SLC39A9: variants seen among roughly 807,000 people sequenced by gnomAD.
SLC39A9 encodes the protein zinc transporter ZIP9.
In SLC39A9, 14 loss-of-function variants were observed where a neutral mutation model predicts 28.4. That is an observed-to-expected ratio of 0.49 (90% CI 0.33 to 0.77). SLC39A9 has a LOEUF of 0.77. Ranked by LOEUF, SLC39A9 falls within the 30% of genes least tolerant of loss-of-function variation. The pLI is 0.02. For synonymous variants in SLC39A9, 119 were observed against 149.6 expected (o/e 0.80, Z 1.49); for missense variants, 283 against 381.1 (o/e 0.74, Z 2.14).
intron 3 of SLC39A9, among the ~76,000 whole-genome samples, chr14:69,448,010 C>T (rs191996728): frequency 1.6e-3 from 248 of 151,186 alleles, no homozygotes; most frequent in Non-Finnish European, 3.1e-3. Flanking sequence ...GCCAGGAGAT[C>T]GAGACCATCC....
intron 1 of SLC39A9, 114 bp downstream of exon 1, chr14:69,399,579 A>T (rs1488855958): frequency 1.4e-6 from 1 of 727,972 alleles, no homozygotes; most frequent in Non-Finnish European, 2.3e-6. Context: ...TCTCATTAAG[A>T]AAGACTATCT....
chr14:69,437,761 G>T (rs1884848125), intron 2 of SLC39A9, among the ~76,000 whole-genome samples: 1 of 151,658 alleles, frequency 6.6e-6, no homozygotes. Flanking sequence ...GCTAATTTTT[G>T]TATTTTTAAT....
At chr14:69,442,364 A>T in intron 3 of SLC39A9, 98 bp downstream of exon 3, 15 of 1,177,722 alleles carry the variant, frequency 1.3e-5, no homozygotes, top group Non-Finnish European at 1.8e-5. Context: ...GGCCATATTT[A>T]GTGCTAAAAC....
At position 69,461,992 on chromosome 14, in the gene SLC39A9, A is replaced by G. The variant is rs1369928392; in HGVS notation, c.*3399A>G. 1 of 357,106 alleles carries G rather than the reference A, an allele frequency of 2.8e-6. No homozygotes were observed. Among genetic ancestry groups the G allele is most frequent in the East Asian group, 4.2e-5 (1 of 24,044 alleles). The allele number at this position is 357,106 out of a possible 1,614,324, so 22.1% of individuals were successfully genotyped here. A position where few individuals can be genotyped will look rare whatever the true frequency, so the allele number is the denominator to read the frequency against. Reference sequence around the variant, plus strand: ...CATCACCCAAAGTGCACTGTTGGAGATGCTGTGAAATTAAAACCTCTTTGT... The same window carrying G: ...CATCACCCAAAGTGCACTGTTGGAGGTGCTGTGAAATTAAAACCTCTTTGT... On this transcript the variant is annotated 3_prime_UTR_variant, in exon 7 of 7. Coordinates refer to ENST00000336643, the MANE Select transcript of SLC39A9 (RefSeq NM_018375.5).
At chr14:69,405,113 C>G (rs1254237007) in intron 1 of SLC39A9, among the ~76,000 whole-genome samples, 1 of 152,154 alleles carries the variant, frequency 6.6e-6, no homozygotes, top group South Asian at 2.1e-4. Flanking sequence ...CAAGAACTCA[C>G]TATCACAAGA....
rs1884907720 is a variant in SLC39A9 at position 69,438,881 on chromosome 14, C to CT, written c.206-3183dup. Among the ~76,000 whole-genome samples, 2 of 152,154 alleles carry CT rather than the reference C, an allele frequency of 1.3e-5. 1 individual carries two copies. Among genetic ancestry groups the CT allele is most frequent in the Admixed American group, 1.3e-4 (2 of 15,270 alleles). On this transcript the variant is annotated intron_variant, in intron 2 of 6. Transcript: ENST00000336643. ...TTTATAGAGGTATGATTAACTGTGG[C>CT]TTTTTCTGTCACTTTACTCTACATT...
intron 2 of SLC39A9, among the ~76,000 whole-genome samples, chr14:69,433,700 C>T (rs947909476): frequency 2.6e-5 from 4 of 152,272 alleles, no homozygotes; most frequent in East Asian, 1.9e-4. Context: ...TTTATTTCCT[C>T]GTACTTTTTA....
Position 69,459,182 on chromosome 14 carries a change from C to G in SLC39A9, c.*589C>G, listed in dbSNP as rs1156371755. On this transcript the variant is annotated 3_prime_UTR_variant, in exon 7 of 7. Coordinates refer to ENST00000336643, the MANE Select transcript of SLC39A9 (RefSeq NM_018375.5). Reference sequence around the variant, plus strand: ...ACACATTGAAAGCTCTCTTTATACTCAAAAGAGATATCCATTGAAAAGGGA... The same window carrying G: ...ACACATTGAAAGCTCTCTTTATACTGAAAAGAGATATCCATTGAAAAGGGA... The G allele has an allele frequency of 1.0e-6, 1 of 985,544 alleles. No individual in the cohort carries two copies. Among genetic ancestry groups the G allele is most frequent in the Non-Finnish European group, 1.2e-6 (1 of 830,042 alleles). 61.0% of individuals were successfully genotyped at this position (985,544 alleles called of 1,614,324 possible). A position where few individuals can be genotyped will look rare whatever the true frequency, so the allele number is the denominator to read the frequency against.
Position 69,460,931 on chromosome 14 carries a change from G to T in SLC39A9, c.*2338G>T. On this transcript the variant is annotated 3_prime_UTR_variant, in exon 7 of 7. Transcript: ENST00000336643. ...TTCAGGCAGCAGGGAACCAAGCAGCGTGGCACAGGCCTTCTTGACTGGAGG... is the reference window on the plus strand; with the variant it reads ...TTCAGGCAGCAGGGAACCAAGCAGCTTGGCACAGGCCTTCTTGACTGGAGG... The T allele has an allele frequency of 1.0e-6, 1 of 985,660 alleles. No individual in the cohort carries two copies. Among genetic ancestry groups the T allele is most frequent in the Non-Finnish European group, 1.2e-6 (1 of 830,136 alleles). 61.1% of individuals were successfully genotyped at this position (985,660 alleles called of 1,614,324 possible).
intron 2 of SLC39A9, among the ~76,000 whole-genome samples, chr14:69,424,853 T>C (rs947971315): frequency 6.6e-6 from 1 of 152,302 alleles, no homozygotes; most frequent in African/African-American, 2.4e-5. Context: ...CCACAGCTGT[T>C]AAATCCATGA....
intron 3 of SLC39A9, among the ~76,000 whole-genome samples, chr14:69,449,861 G>T (rs1363638869): frequency 6.6e-6 from 1 of 151,990 alleles, no homozygotes; most frequent in East Asian, 1.9e-4. Flanking sequence ...GTGTGTGTGT[G>T]TGTATACACA....
intron 5 of SLC39A9, among the ~76,000 whole-genome samples, 178 bp from the exon 6 acceptor site, chr14:69,455,554 A>C (rs1288160230): frequency 6.6e-6 from 1 of 152,138 alleles, no homozygotes; most frequent in Admixed American, 6.5e-5. Flanking sequence ...TCCTGACCTT[A>C]GGTGATCCAC....
chr14:69,434,524 A>G (rs1884653959), intron 2 of SLC39A9, among the ~76,000 whole-genome samples: 1 of 151,636 alleles, frequency 6.6e-6, no homozygotes, highest in South Asian at 2.1e-4. Flanking sequence ...TGTATTTACA[A>G]AAAAATTTGA....
At chr14:69,431,244 TATA>T (rs1884476048) in intron 2 of SLC39A9, among the ~76,000 whole-genome samples, 1 of 152,230 alleles carries the variant, frequency 6.6e-6, no homozygotes, top group South Asian at 2.1e-4. Flanking sequence ...ATAATACTTT[TATA>T]ATGTTTTCAA....
chr14:69,439,143 G>C (rs1269366204), intron 2 of SLC39A9, among the ~76,000 whole-genome samples: 1 of 152,044 alleles, frequency 6.6e-6, no homozygotes, highest in Non-Finnish European at 1.5e-5. Flanking sequence ...CACTAACAAT[G>C]AACTATTTGA....
rs1183860781 is a variant in SLC39A9, at chr14:69,458,923, A to G, written c.*330A>G. On this transcript the variant is annotated 3_prime_UTR_variant, in exon 7 of 7. Coordinates refer to ENST00000336643, the MANE Select transcript of SLC39A9 (RefSeq NM_018375.5). ...AAAAGAGGAGAACTTCATACTCACA[A>G]TGAAATAGTGATTATGAAAATACAG... 3.8e-6 allele frequency: 4 copies of G among 1,050,898 alleles called. No individual in the cohort carries two copies. Among genetic ancestry groups the G allele is most frequent in the South Asian group, 8.5e-5 (2 of 23,622 alleles). 65.1% of individuals were successfully genotyped at this position (1,050,898 alleles called of 1,614,324 possible). A position where few individuals can be genotyped will look rare whatever the true frequency, so the allele number is the denominator to read the frequency against.
chr14:69,403,180 G>A (rs1246505774), intron 1 of SLC39A9, among the ~76,000 whole-genome samples: 1 of 152,208 alleles, frequency 6.6e-6, no homozygotes, highest in African/African-American at 2.4e-5. Flanking sequence ...AGTGAGACCC[G>A]TTGGTTTATA....
chr14:69,406,442 A>G (rs1882916364), intron 1 of SLC39A9, among the ~76,000 whole-genome samples: 1 of 152,206 alleles, frequency 6.6e-6, no homozygotes, highest in Admixed American at 6.5e-5. Context: ...ATGTTTCTGT[A>G]TATGATAGTC....
intron 2 of SLC39A9, among the ~76,000 whole-genome samples, chr14:69,430,314 T>C (rs560951121): frequency 3.2e-4 from 49 of 152,354 alleles, no homozygotes; most frequent in African/African-American, 1.2e-3. Context: ...TCTAGAACTT[T>C]TATGATTTTC....
Sources: allele counts gnomAD v4.1 joint callset (sites outside exome capture counted in the v4.1 genomes callset), GRCh38; gene constraint gnomAD v4.1.1; transcripts MANE v1.5; gene names NCBI Gene and HGNC (gene_info 2026-07-23, HGNC 2026-07-21).